SCAPER: variants seen among roughly 807,000 people sequenced by gnomAD.
SCAPER encodes S-phase cyclin A associated protein in the ER, also known as S phase cyclin A-associated protein in the endoplasmic reticulum.
In SCAPER, 98 loss-of-function variants were observed where a neutral mutation model predicts 182.2. The observed-to-expected ratio is 0.54, with a 90% CI of 0.46 to 0.64. The LOEUF (loss-of-function observed/expected upper bound fraction) is 0.64. Ranked by LOEUF, SCAPER falls within the 30% of genes least tolerant of loss-of-function variation. The pLI is 0.00. For missense variants in SCAPER, 1,432 were observed against 1,690.0 expected, an observed-to-expected ratio of 0.85 and a Z score of 2.68; for synonymous variants, 605 against 564.6, an observed-to-expected ratio of 1.07 and a Z score of -1.01.
chr15:76,782,652 G>A (rs573004184), intron 8 of SCAPER, among the ~76,000 whole-genome samples: 1 of 152,244 alleles, frequency 6.6e-6, no homozygotes, highest in South Asian at 2.1e-4. Flanking sequence ...CTCAGCAAAT[G>A]TAAAAGGATA....
chr15:76,776,587 T>C (rs936036447), intron 8 of SCAPER, among the ~76,000 whole-genome samples: 5 of 152,078 alleles, frequency 3.3e-5, no homozygotes, highest in African/African-American at 1.2e-4. Flanking sequence ...GGGGGCAGAT[T>C]TGTTTGACAC....
At chr15:76,890,141 C>A (rs2074082597) in intron 1 of SCAPER, among the ~76,000 whole-genome samples, 1 of 152,100 alleles carries the variant, frequency 6.6e-6, no homozygotes, top group African/African-American at 2.4e-5. Flanking sequence ...CACAATGTAC[C>A]AGAATCTCTA....
chr15:76,382,210 T>C (rs1281263884), intron 27 of SCAPER, among the ~76,000 whole-genome samples: 1 of 152,078 alleles, frequency 6.6e-6, no homozygotes, highest in Non-Finnish European at 1.5e-5. Flanking sequence ...ACAAATCAGA[T>C]GAAGTCAGCT....
chr15:76,482,103 G>T (rs900715003), intron 24 of SCAPER, among the ~76,000 whole-genome samples: 3 of 151,954 alleles, frequency 2.0e-5, no homozygotes, highest in Non-Finnish European at 1.5e-5. Flanking sequence ...AGTCACTGAT[G>T]ATCAATACCT....
At chr15:76,514,896 T>C (rs1056490932) in intron 23 of SCAPER, among the ~76,000 whole-genome samples, 2 of 152,198 alleles carry the variant, frequency 1.3e-5, no homozygotes, top group African/African-American at 2.4e-5. Context: ...GAGATGATGC[T>C]CCTTGTTCTG....
chr15:76,728,338 A>G (rs1036484929), intron 17 of SCAPER, among the ~76,000 whole-genome samples: 2 of 152,110 alleles, frequency 1.3e-5, no homozygotes, highest in Admixed American at 1.3e-4. Context: ...TATCTTCCCC[A>G]AAAGTCTCTT....
At chr15:76,729,851 T>A (rs1290597503) in intron 16 of SCAPER, among the ~76,000 whole-genome samples, 6 of 152,080 alleles carry the variant, frequency 3.9e-5, no homozygotes, top group Non-Finnish European at 1.5e-5. Flanking sequence ...CAACATGAAA[T>A]ATTTGTCACT....
At position 76,741,677 on chromosome 15, in the gene SCAPER, A is replaced by G. The variant is rs149499015; in HGVS notation, c.1867-8293T>C. Among the ~76,000 whole-genome samples the G allele has an allele frequency of 2.7e-3, 411 of 152,276 alleles. 4 individuals carry two copies. Among genetic ancestry groups the G allele is most frequent in the South Asian group, 0.02 (99 of 4,832 alleles). ...AGCCTATCTTTCTGGCTGATACACA[A>G]AAAGTTGTCAAGAAGAGATTAAAAA... On this transcript the variant is annotated intron_variant, in intron 15 of 31. Coordinates refer to ENST00000563290, the MANE Select transcript of SCAPER (RefSeq NM_020843.4).
chr15:76,690,496 A>G (rs1425223953), intron 20 of SCAPER, among the ~76,000 whole-genome samples: 3 of 152,200 alleles, frequency 2.0e-5, no homozygotes, highest in Non-Finnish European at 4.4e-5. Flanking sequence ...AAATCCAAAT[A>G]AAGTCTGGTG....
intron 1 of SCAPER, among the ~76,000 whole-genome samples, chr15:76,902,098 T>C (rs1024652555): frequency 1.3e-5 from 2 of 152,036 alleles, no homozygotes; most frequent in East Asian, 3.8e-4. Context: ...CCATAGCCAA[T>C]CAGTGAAAGC....
intron 17 of SCAPER, among the ~76,000 whole-genome samples, chr15:76,722,707 AT>A (rs1373854286): frequency 6.6e-6 from 1 of 152,144 alleles, no homozygotes; most frequent in South Asian, 2.1e-4. Flanking sequence ...TTTCTAGTTT[AT>A]TTGCATAGAG....
chr15:76,619,675 G>C (rs1364142579), intron 22 of SCAPER, among the ~76,000 whole-genome samples: 1 of 152,062 alleles, frequency 6.6e-6, no homozygotes, highest in Non-Finnish European at 1.5e-5. Flanking sequence ...TGCCATGCTG[G>C]TGTGCTGCAG....
At chr15:76,580,509 CT>C (rs1567516442) in intron 22 of SCAPER, among the ~76,000 whole-genome samples, 2 of 152,124 alleles carry the variant, frequency 1.3e-5, no homozygotes, top group Non-Finnish European at 2.9e-5. Context: ...AATCCTAGCA[CT>C]TTGGGAGGCT....
chr15:76,492,888 A>ATT (rs1181697074), intron 24 of SCAPER, among the ~76,000 whole-genome samples: 1 of 133,324 alleles, frequency 7.5e-6, no homozygotes, highest in Non-Finnish European at 1.6e-5. Context: ...TTTTTTTTGC[A>ATT]GAAGACAATG....
chr15:76,363,521 C>T (rs548545591), intron 29 of SCAPER, among the ~76,000 whole-genome samples: 1 of 152,246 alleles, frequency 6.6e-6, no homozygotes, highest in South Asian at 2.1e-4. Flanking sequence ...AAGCACCTGT[C>T]AAAACCTAAG....
At chr15:76,790,044 C>A (rs62029174) in intron 8 of SCAPER, among the ~76,000 whole-genome samples, 1 of 151,808 alleles carries the variant, frequency 6.6e-6, no homozygotes, top group Non-Finnish European at 1.5e-5. Flanking sequence ...CTGGCTAACA[C>A]GGTGAAACCC....
At chr15:76,777,003 T>C (rs1170449357) in intron 8 of SCAPER, among the ~76,000 whole-genome samples, 1 of 151,944 alleles carries the variant, frequency 6.6e-6, no homozygotes, top group African/African-American at 2.4e-5. Context: ...ATCCCAAATA[T>C]GATAAACCCA....
At chr15:76,710,426 C>A (rs190580657) in intron 17 of SCAPER, among the ~76,000 whole-genome samples, 8 of 151,938 alleles carry the variant, frequency 5.3e-5, no homozygotes, top group Non-Finnish European at 1.2e-4. Context: ...GAAAGTTTAA[C>A]AAGGTCATTA....
intron 8 of SCAPER, among the ~76,000 whole-genome samples, chr15:76,789,999 C>T (rs901659516): frequency 1.3e-5 from 2 of 152,046 alleles, no homozygotes; most frequent in Admixed American, 6.6e-5. Flanking sequence ...GAGGCTGAGG[C>T]GGGCGGATCA....
Sources: allele counts gnomAD v4.1 joint callset (sites outside exome capture counted in the v4.1 genomes callset), GRCh38; gene constraint gnomAD v4.1.1; transcripts MANE v1.5; gene names NCBI Gene and HGNC (gene_info 2026-07-23, HGNC 2026-07-21).